The following CAMK1D variants were observed in gnomAD, a reference collection of about 807,000 sequenced individuals.
CAMK1D encodes the protein calcium/calmodulin-dependent protein kinase type 1D.
CAMK1D carries 9 observed loss-of-function variants against 47.7 expected under a neutral mutation model. That is an observed-to-expected ratio of 0.19 (90% CI 0.11 to 0.33). CAMK1D has a LOEUF of 0.33. CAMK1D is among the 10% of genes least tolerant of loss of function. The pLI, the probability that CAMK1D is intolerant of heterozygous loss-of-function variation, is 1.00. For missense variants in CAMK1D, 291 were observed against 488.7 expected (o/e 0.60, Z 3.81); for synonymous variants, 184 against 184.9 (o/e 0.99, Z 0.04).
At chr10:12,627,305 C>T (rs1024146577) in intron 2 of CAMK1D, among the ~76,000 whole-genome samples, 4 of 151,800 alleles carry the variant, frequency 2.6e-5, no homozygotes, top group African/African-American at 4.8e-5. Context: ...AGGATGGTCG[C>T]GATCTCCCTG....
intron 3 of CAMK1D, among the ~76,000 whole-genome samples, chr10:12,690,408 G>A (rs1832832735): frequency 6.6e-6 from 1 of 152,190 alleles, no homozygotes; most frequent in South Asian, 2.1e-4. Context: ...GCCTGTAGAA[G>A]GGAGGGCGAA....
chr10:12,801,009 G>A (rs1838406510), intron 6 of CAMK1D, among the ~76,000 whole-genome samples: 1 of 152,140 alleles, frequency 6.6e-6, no homozygotes, highest in African/African-American at 2.4e-5. Context: ...ACATTGGGGT[G>A]AGTCCTCAGG....
intron 8 of CAMK1D, among the ~76,000 whole-genome samples, chr10:12,822,276 T>C (rs974316246): frequency 1.3e-5 from 2 of 152,202 alleles, no homozygotes; most frequent in African/African-American, 2.4e-5. Flanking sequence ...CGGTGCACTA[T>C]TGTGGCCTGA....
chr10:12,387,433 A>T (rs867837690), intron 1 of CAMK1D, among the ~76,000 whole-genome samples: 146 of 53,692 alleles, frequency 2.7e-3, no homozygotes, highest in East Asian at 7.0e-3. Flanking sequence ...TATTTTATAT[A>T]TTATATATAT....
chr10:12,454,367 T>G (rs1833179475), intron 1 of CAMK1D, among the ~76,000 whole-genome samples: 1 of 152,088 alleles, frequency 6.6e-6, no homozygotes, highest in African/African-American at 2.4e-5. Context: ...CTTTACCGTG[T>G]TAGCCAAGAT....
At chr10:12,412,455 C>CA (rs1180559333) in intron 1 of CAMK1D, among the ~76,000 whole-genome samples, 65,020 of 118,486 alleles carry the variant, frequency 0.55, 17,988 homozygotes, top group Non-Finnish European at 0.59. Flanking sequence ...ACTAAAAATA[C>CA]AAAAAAAAAA....
intron 1 of CAMK1D, among the ~76,000 whole-genome samples, chr10:12,431,512 A>G (rs1414992848): frequency 6.6e-6 from 1 of 152,138 alleles, no homozygotes; most frequent in East Asian, 1.9e-4. Flanking sequence ...GGTAGATGCA[A>G]TCCCCTCACT....
At chr10:12,757,403 G>A (rs772349400) in intron 3 of CAMK1D, among the ~76,000 whole-genome samples, 1 of 152,118 alleles carries the variant, frequency 6.6e-6, no homozygotes, top group Non-Finnish European at 1.5e-5. Flanking sequence ...CATTTCTGAT[G>A]TGGAGCTTTC....
chr10:12,618,195 T>C (rs1307706665), intron 2 of CAMK1D, among the ~76,000 whole-genome samples: 1 of 152,224 alleles, frequency 6.6e-6, no homozygotes. Context: ...TCCATAGATA[T>C]CCACTATAAT....
chr10:12,592,336 T>A (rs1838021922), intron 2 of CAMK1D, among the ~76,000 whole-genome samples: 1 of 152,234 alleles, frequency 6.6e-6, no homozygotes, highest in South Asian at 2.1e-4. Context: ...TTTCTCAATA[T>A]AGATAGAAAG....
intron 4 of CAMK1D, among the ~76,000 whole-genome samples, chr10:12,767,323 G>T (rs373479600): frequency 6.6e-6 from 1 of 151,770 alleles, no homozygotes; most frequent in Non-Finnish European, 1.5e-5. Context: ...GATTACAGGC[G>T]CCCGCCACCA....
intron 1 of CAMK1D, among the ~76,000 whole-genome samples, chr10:12,423,764 A>G (rs2131973081): frequency 6.6e-6 from 1 of 152,344 alleles, no homozygotes; most frequent in Middle Eastern, 3.4e-3. Flanking sequence ...GGTTGTTCAG[A>G]CAGCCAGGAA....
chr10:12,716,350 C>T (rs1451275488), intron 3 of CAMK1D, among the ~76,000 whole-genome samples: 1 of 152,134 alleles, frequency 6.6e-6, no homozygotes, highest in Non-Finnish European at 1.5e-5. Context: ...CATATGTCCC[C>T]TGCGGGACAG....
chr10:12,522,178 T>C (rs899219872), intron 1 of CAMK1D, among the ~76,000 whole-genome samples: 2 of 146,192 alleles, frequency 1.4e-5, no homozygotes, highest in Admixed American at 1.4e-4. Context: ...TTTTGTGTTA[T>C]ATGATATATT....
At chr10:12,827,456 C>T (rs1588975453) in intron 10 of CAMK1D, among the ~76,000 whole-genome samples, 1 of 46,250 alleles carries the variant, frequency 2.2e-5, no homozygotes, top group Admixed American at 2.8e-4. Context: ...TCTTTCTTTT[C>T]TTTCTTTGTC....
chr10:12,414,913 G>A (rs944852121), intron 1 of CAMK1D, among the ~76,000 whole-genome samples: 10 of 152,072 alleles, frequency 6.6e-5, no homozygotes, highest in Non-Finnish European at 1.5e-4. Context: ...TGGAGAGTGA[G>A]TTTCTTTTCT....
intron 8 of CAMK1D, among the ~76,000 whole-genome samples, chr10:12,818,495 AC>A (rs1832893182): frequency 6.6e-6 from 1 of 151,954 alleles, no homozygotes; most frequent in African/African-American, 2.4e-5. Context: ...ACATGGTGAA[AC>A]CCCGTGTCTA....
At chr10:12,556,413 A>G (rs560987024) in intron 2 of CAMK1D, among the ~76,000 whole-genome samples, 2 of 152,324 alleles carry the variant, frequency 1.3e-5, no homozygotes, top group South Asian at 4.1e-4. Flanking sequence ...GTGGCATTGC[A>G]GATGCTGTGT....
At chr10:12,654,078 A>G (rs564045369) in intron 2 of CAMK1D, among the ~76,000 whole-genome samples, 8 of 152,296 alleles carry the variant, frequency 5.3e-5, no homozygotes, top group Non-Finnish European at 1.0e-4. Context: ...CCTTCCACTT[A>G]CTTATCCTCA....
Sources: gnomAD v4.1 joint callset for allele counts (sites outside exome capture counted in the v4.1 genomes callset) on GRCh38, gnomAD v4.1.1 for gene constraint, MANE v1.5 for transcripts, NCBI Gene and HGNC (gene_info 2026-07-23, HGNC 2026-07-21) for gene names.